ZNF804B: variants seen among roughly 807,000 people sequenced by gnomAD.
ZNF804B encodes zinc finger 804B.
Under a neutral mutation model 101.4 loss-of-function variants are expected in ZNF804B, and 80 were observed. That is an observed-to-expected ratio of 0.79 (90% CI 0.66 to 0.95). The LOEUF is 0.95. Ranked by LOEUF, ZNF804B falls within the 40% of genes least tolerant of loss-of-function variation. The pLI, the probability that ZNF804B is intolerant of heterozygous loss-of-function variation, is 0.00. For missense variants in ZNF804B, 1,673 were observed against 1,561.9 expected (o/e 1.07, Z -1.20); for synonymous variants, 622 against 558.8 (o/e 1.11, Z -1.59).
At chr7:89,229,388 C>T (rs1249658558) in intron 2 of ZNF804B, among the ~76,000 whole-genome samples, 1 of 152,116 alleles carries the variant, frequency 6.6e-6, no homozygotes, top group African/African-American at 2.4e-5. Context: ...AAACATGCAC[C>T]GTGAATACTA....
intron 2 of ZNF804B, among the ~76,000 whole-genome samples, chr7:89,244,663 A>G (rs947580803): frequency 6.6e-6 from 1 of 152,142 alleles, no homozygotes; most frequent in Non-Finnish European, 1.5e-5. Flanking sequence ...GAGACAAAAG[A>G]TAAATACTGG....
At chr7:89,059,286 A>T (rs971914329) in intron 1 of ZNF804B, among the ~76,000 whole-genome samples, 1 of 152,182 alleles carries the variant, frequency 6.6e-6, no homozygotes, top group Non-Finnish European at 1.5e-5. Flanking sequence ...AGGCTGGGTA[A>T]TATATAAAGA....
At chr7:88,883,811 T>A (rs539685207) in intron 1 of ZNF804B, among the ~76,000 whole-genome samples, 3 of 125,528 alleles carry the variant, frequency 2.4e-5, no homozygotes, top group African/African-American at 1.1e-4. Context: ...TATGTGTGTA[T>A]GTGTGTGTTT....
chr7:88,885,729 A>G (rs187344351), intron 1 of ZNF804B, among the ~76,000 whole-genome samples: 118 of 151,534 alleles, frequency 7.8e-4, no homozygotes, highest in Non-Finnish European at 1.6e-3. Context: ...AAGATTACTT[A>G]AAGAGAATAT....
intron 1 of ZNF804B, among the ~76,000 whole-genome samples, chr7:88,825,166 T>C (rs1394101149): frequency 6.6e-6 from 1 of 152,068 alleles, no homozygotes; most frequent in Non-Finnish European, 1.5e-5. Flanking sequence ...CTGTGAGAGA[T>C]GATAATAGTG....
At chr7:88,776,780 A>ACCCC (rs10707553) in intron 1 of ZNF804B, among the ~76,000 whole-genome samples, 36 of 83,480 alleles carry the variant, frequency 4.3e-4, no homozygotes, top group South Asian at 5.9e-4. Context: ...TAACCCATAA[A>ACCCC]CCCCCCCCCC....
intron 1 of ZNF804B, among the ~76,000 whole-genome samples, chr7:88,921,762 G>T (rs1792722769): frequency 6.6e-6 from 1 of 151,950 alleles, no homozygotes; most frequent in African/African-American, 2.4e-5. Flanking sequence ...AGCTTCCAAA[G>T]TCTTTCTTTC....
chr7:89,061,563 C>G (rs764454617), intron 1 of ZNF804B, among the ~76,000 whole-genome samples: 37 of 152,100 alleles, frequency 2.4e-4, no homozygotes, highest in Non-Finnish European at 3.7e-4. Flanking sequence ...TTCCTAGAGG[C>G]AGCACTATTG....
chr7:89,174,871 C>T (rs1407872101), intron 1 of ZNF804B, among the ~76,000 whole-genome samples: 1 of 151,980 alleles, frequency 6.6e-6, no homozygotes, highest in African/African-American at 2.4e-5. Context: ...TTTTACATAC[C>T]TGTATGCCAT....
chr7:88,971,922 T>A (rs1401523528), intron 1 of ZNF804B, among the ~76,000 whole-genome samples: 3 of 151,510 alleles, frequency 2.0e-5, no homozygotes, highest in Non-Finnish European at 4.4e-5. Flanking sequence ...ACTGTTTCAT[T>A]TGGTTTATCT....
At chr7:88,788,654 A>G (rs531251255) in intron 1 of ZNF804B, among the ~76,000 whole-genome samples, 1 of 152,094 alleles carries the variant, frequency 6.6e-6, no homozygotes, top group Non-Finnish European at 1.5e-5. Flanking sequence ...TTGTATCTTC[A>G]GGGTGTAGGC....
intron 2 of ZNF804B, among the ~76,000 whole-genome samples, chr7:89,251,592 A>C (rs1789541732): frequency 6.6e-6 from 1 of 152,202 alleles, no homozygotes; most frequent in African/African-American, 2.4e-5. Flanking sequence ...GCTAGAAAAA[A>C]ACTATTCTAA....
At chr7:89,119,644 A>T (rs944911182) in intron 1 of ZNF804B, among the ~76,000 whole-genome samples, 1 of 152,164 alleles carries the variant, frequency 6.6e-6, no homozygotes, top group Non-Finnish European at 1.5e-5. Context: ...AGTCAAAAGC[A>T]TGTGTCTGGT....
intron 2 of ZNF804B, among the ~76,000 whole-genome samples, chr7:89,268,608 A>G (rs2115831822): frequency 6.6e-6 from 1 of 152,116 alleles, no homozygotes; most frequent in African/African-American, 2.4e-5. Context: ...TTTTAATAAA[A>G]CAGAGCGCAA....
intron 1 of ZNF804B, among the ~76,000 whole-genome samples, chr7:88,772,895 G>C (rs547977155): frequency 3.1e-3 from 182 of 59,196 alleles, no homozygotes; most frequent in African/African-American, 0.023. Context: ...ATTTAAAGGT[G>C]GGGGGAAGGT....
At chr7:88,990,557 C>T (rs910723789) in intron 1 of ZNF804B, among the ~76,000 whole-genome samples, 1 of 152,104 alleles carries the variant, frequency 6.6e-6, no homozygotes, top group Admixed American at 6.6e-5. Flanking sequence ...GATCAGGTTC[C>T]TCTGACGTTA....
At chr7:89,090,168 A>C (rs1021935057) in intron 1 of ZNF804B, among the ~76,000 whole-genome samples, 3 of 152,070 alleles carry the variant, frequency 2.0e-5, no homozygotes, top group African/African-American at 7.2e-5. Flanking sequence ...TGTACTGAAC[A>C]TTTCTCATCA....
intron 1 of ZNF804B, among the ~76,000 whole-genome samples, chr7:88,771,351 G>A (rs1203733703): frequency 6.6e-6 from 1 of 151,870 alleles, no homozygotes; most frequent in African/African-American, 2.4e-5. Context: ...TTTAATTTTT[G>A]TATTAAAGAA....
chr7:89,324,957 A>C (rs1352164866), intron 2 of ZNF804B, among the ~76,000 whole-genome samples: 3 of 152,016 alleles, frequency 2.0e-5, no homozygotes, highest in African/African-American at 4.8e-5. Context: ...AGTAGTGCTG[A>C]ATCTATGACT....
Sources: gnomAD v4.1 joint callset for allele counts (sites outside exome capture counted in the v4.1 genomes callset) on GRCh38, gnomAD v4.1.1 for gene constraint, MANE v1.5 for transcripts, NCBI Gene and HGNC (gene_info 2026-07-23, HGNC 2026-07-21) for gene names.